The following FKBP9 variants were observed in gnomAD, a reference collection of about 807,000 sequenced individuals.
FKBP9 encodes the protein peptidyl-prolyl cis-trans isomerase FKBP9.
A neutral mutation model predicts 55.6 loss-of-function variants in FKBP9; 27 were observed. The ratio of observed to expected loss-of-function variants is 0.49; its 90% CI spans 0.36 to 0.67. The LOEUF is 0.67. Among genes scored for constraint, FKBP9 ranks in the 30% least tolerant of loss-of-function variants. FKBP9 has a pLI of 0.00. For synonymous variants in FKBP9, 267 were observed against 296.5 expected, an observed-to-expected ratio of 0.90 and a Z score of 1.02; for missense variants, 539 against 742.8, an observed-to-expected ratio of 0.73 and a Z score of 3.19.
At chr7:32,999,956 G>A (rs1353155947) in intron 7 of FKBP9, among the ~76,000 whole-genome samples, 159 bp from the exon 8 acceptor site, 4 of 152,076 alleles carry the variant, frequency 2.6e-5, no homozygotes, top group African/African-American at 9.7e-5. Flanking sequence ...TTTTCAGCAT[G>A]TGCCCCAATT....
At chr7:32,965,820 T>TAA (rs1784127213) in intron 1 of FKBP9, among the ~76,000 whole-genome samples, 1 of 15,608 alleles carries the variant, frequency 6.4e-5, no homozygotes, top group Admixed American at 9.5e-4. Flanking sequence ...AAAATATATA[T>TAA]ATATATATAT....
chr7:32,982,564 A>G (rs941571537), intron 5 of FKBP9, among the ~76,000 whole-genome samples: 1 of 152,054 alleles, frequency 6.6e-6, no homozygotes, highest in African/African-American at 2.4e-5. Flanking sequence ...ATTGATGAAT[A>G]TTTGAGTTGT....
At chr7:32,983,575 A>G (rs1023680366) in intron 5 of FKBP9, among the ~76,000 whole-genome samples, 7 of 151,990 alleles carry the variant, frequency 4.6e-5, no homozygotes, top group African/African-American at 1.7e-4. Context: ...TCGGCCTCCC[A>G]AAGTGCTGGG....
chr7:32,980,576 C>T (rs764177765), intron 5 of FKBP9, 23 bp downstream of exon 5: 1 of 1,610,984 alleles, frequency 6.2e-7, no homozygotes, highest in Non-Finnish European at 8.5e-7. Flanking sequence ...TTAAAGTCTT[C>T]AATTGCCAGA....
chr7:32,973,962 G>A (rs1379679083), intron 1 of FKBP9, among the ~76,000 whole-genome samples: 1 of 151,448 alleles, frequency 6.6e-6, no homozygotes, highest in Non-Finnish European at 1.5e-5. Context: ...AAAGTGTTGG[G>A]ATTACAGGCG....
intron 1 of FKBP9, among the ~76,000 whole-genome samples, chr7:32,964,467 A>G (rs1784093459): frequency 6.6e-6 from 1 of 152,244 alleles, no homozygotes; most frequent in Admixed American, 6.5e-5. Flanking sequence ...AAAGTTTTTC[A>G]TTTAATGATG....
intron 1 of FKBP9, among the ~76,000 whole-genome samples, chr7:32,963,245 G>C (rs1434363385): frequency 6.8e-6 from 1 of 146,580 alleles, no homozygotes. Flanking sequence ...TCCAATATTT[G>C]GGTCAGGAGG....
rs149897655 is a variant in FKBP9 at position 32,958,158 on chromosome 7, T to A, written c.221+364T>A. On this transcript the variant is annotated intron_variant, in intron 1 of 9. Transcript: ENST00000242209. ...ACCCCCAAGAGTGGATGTTCGTGCC[T>A]GCCTCTCTTCGCCCTTTCCTGTTCC... Among the ~76,000 whole-genome samples the A allele has an allele frequency of 3.9e-3, 592 of 152,330 alleles. 5 individuals carry two copies. The highest frequency in any genetic ancestry group is 0.014 in the African/African-American group (573 of 41,584).
intron 4 of FKBP9, among the ~76,000 whole-genome samples, chr7:32,978,718 C>T (rs534968189): frequency 1.1e-4 from 16 of 152,250 alleles, no homozygotes; most frequent in Middle Eastern, 3.4e-3. Context: ...AGTTCATTCA[C>T]GTTGGCTCCC....
intron 1 of FKBP9, among the ~76,000 whole-genome samples, chr7:32,959,900 A>G (rs958028430): frequency 6.6e-6 from 1 of 152,134 alleles, no homozygotes; most frequent in African/African-American, 2.4e-5. Flanking sequence ...ATGAACATTC[A>G]TGTGCAAGGT....
chr7:32,988,425 T>G, intron 5 of FKBP9, 82 bp from the exon 6 acceptor site: 1 of 1,428,906 alleles, frequency 7.0e-7, no homozygotes, highest in Non-Finnish European at 9.7e-7. Context: ...TGTGTGCCTT[T>G]GCATCTCTTT....
In FKBP9 at chr7:32,965,685, C is replaced by G. The variant is rs527962004; in HGVS notation, c.221+7891C>G. Among the ~76,000 whole-genome samples, 5 of 148,850 alleles carry G rather than the reference C, an allele frequency of 3.4e-5. No individual in the cohort carries two copies. In the East Asian group the frequency reaches 8.1e-4, roughly 24 times the overall value. On this transcript the variant is annotated intron_variant, in intron 1 of 9. Transcript: ENST00000242209. Reference sequence around the variant, plus strand: ...TGGTGGCGTGCACCTGTAATCCCAGCTACTCAGGAGGCTGAGACAGGAGAA... The same window carrying G: ...TGGTGGCGTGCACCTGTAATCCCAGGTACTCAGGAGGCTGAGACAGGAGAA...
chr7:32,997,612 G>T (rs1449825932), intron 7 of FKBP9, among the ~76,000 whole-genome samples: 1 of 152,198 alleles, frequency 6.6e-6, no homozygotes, highest in Non-Finnish European at 1.5e-5. Context: ...GGCAGATCAC[G>T]AGGTCAAGAG....
At chr7:32,996,681 C>T (rs1267635113) in intron 7 of FKBP9, among the ~76,000 whole-genome samples, 1 of 131,684 alleles carries the variant, frequency 7.6e-6, no homozygotes, top group Non-Finnish European at 1.6e-5. Flanking sequence ...TCCCTCCCTT[C>T]CTCTTCTTTC....
intron 8 of FKBP9, 106 bp downstream of exon 8, chr7:33,000,366 A>G: frequency 7.0e-7 from 1 of 1,430,598 alleles, no homozygotes; most frequent in South Asian, 1.3e-5. Context: ...CTTACATGTA[A>G]TACCCAAAGA....
chr7:32,989,448 T>G (rs1784641925), intron 6 of FKBP9, among the ~76,000 whole-genome samples: 1 of 152,140 alleles, frequency 6.6e-6, no homozygotes, highest in Admixed American at 6.6e-5. Context: ...TAGAGTCTCA[T>G]TCTGTCACCC....
Position 32,962,139 on chromosome 7 carries a change from G to A in FKBP9, c.221+4345G>A, listed in dbSNP as rs553406186. On this transcript the variant is annotated intron_variant, in intron 1 of 9. Transcript: ENST00000242209. The stretch of plus-strand genomic sequence containing the variant: ...CAGCCAGGCACGGTGGCTCATGCCT[G>A]TAATCCCAGCACTTTGGGAGGCCAA... 7.2e-5 allele frequency among the ~76,000 whole-genome samples: 11 copies of A among 152,236 alleles called. No homozygotes were observed. In the East Asian group the frequency reaches 2.1e-3, roughly 30 times the overall value.
chr7:32,965,942 G>A (rs1784139587), intron 1 of FKBP9, among the ~76,000 whole-genome samples: 1 of 142,624 alleles, frequency 7.0e-6, no homozygotes, highest in Non-Finnish European at 1.5e-5. Flanking sequence ...CTTCTAATCC[G>A]AGCACTTTGG....
At chr7:33,002,258 C>T (rs1206374940) in intron 8 of FKBP9, among the ~76,000 whole-genome samples, 2 of 151,956 alleles carry the variant, frequency 1.3e-5, no homozygotes, top group South Asian at 2.1e-4. Flanking sequence ...CTCAGCTTCC[C>T]GAGTAGCTGG....
Sources: gnomAD v4.1 joint callset for allele counts (sites outside exome capture counted in the v4.1 genomes callset) on GRCh38, gnomAD v4.1.1 for gene constraint, MANE v1.5 for transcripts, NCBI Gene and HGNC (gene_info 2026-07-23, HGNC 2026-07-21) for gene names.